The following DCC variants were observed in gnomAD, a reference collection of about 807,000 sequenced individuals.
DCC encodes netrin receptor DCC.
DCC carries 58 observed loss-of-function variants against 172.5 expected under a neutral mutation model. That is an observed-to-expected ratio of 0.34 (90% CI 0.27 to 0.42). DCC has a LOEUF of 0.42. DCC is among the 10% of genes least tolerant of loss of function. The probability of loss-of-function intolerance (pLI) is 1.00; values close to 1 mark genes in which losing one functional copy is unlikely to be tolerated. For missense variants in DCC, 1,740 were observed against 1,791.0 expected (o/e 0.97, Z 0.51); for synonymous variants, 709 against 644.5 (o/e 1.10, Z -1.52).
chr18:52,602,182 A>C (rs1216373824), intron 1 of DCC, among the ~76,000 whole-genome samples: 1 of 152,106 alleles, frequency 6.6e-6, no homozygotes, highest in Non-Finnish European at 1.5e-5. Flanking sequence ...GTTTACTTGA[A>C]TATATGATTA....
chr18:53,474,222 C>A (rs1910131), intron 25 of DCC, among the ~76,000 whole-genome samples: 74,775 of 151,830 alleles, frequency 0.49, 19,721 homozygotes, highest in Non-Finnish European at 0.61. Context: ...AATATCACAT[C>A]TTCATTACAA....
chr18:52,613,632 G>A (rs1211733703), intron 1 of DCC, among the ~76,000 whole-genome samples: 1 of 152,136 alleles, frequency 6.6e-6, no homozygotes, highest in Non-Finnish European at 1.5e-5. Context: ...TCTTCATAGA[G>A]TTGGTATCTA....
At position 53,435,180 on chromosome 18, in the gene DCC, C is replaced by G; in HGVS notation, c.3200C>G (p.Thr1067Ser). 6.2e-7 allele frequency: 1 copy of G among 1,609,796 alleles called. No homozygotes were observed. Among genetic ancestry groups the G allele is most frequent in the Non-Finnish European group, 8.5e-7 (1 of 1,176,310 alleles). ...GATGGAGGTTATTGGCCAGTTGATACTAATTTGATTGATAGAAGCACCCTA... is the reference window on the plus strand; with the variant it reads ...GATGGAGGTTATTGGCCAGTTGATAGTAATTTGATTGATAGAAGCACCCTA... ...HGDGGYWPVD[T>S]NLIDRSTLNE... The change falls in exon 22 of 29, where the codon ACT becomes AGT. Residue 1067 changes from threonine (T) to serine (S), a missense_variant. Thr to Ser is a moderately conservative substitution (Grantham distance 58). Coordinates refer to ENST00000442544, the MANE Select transcript of DCC (RefSeq NM_005215.4).
intron 7 of DCC, among the ~76,000 whole-genome samples, chr18:53,091,540 A>G (rs913877290): frequency 6.6e-6 from 1 of 151,726 alleles, no homozygotes; most frequent in African/African-American, 2.4e-5. Flanking sequence ...TTAGGGTGCC[A>G]GCATGATGGT....
At chr18:52,792,394 A>T (rs562716950) in intron 2 of DCC, among the ~76,000 whole-genome samples, 1 of 152,338 alleles carries the variant, frequency 6.6e-6, no homozygotes, top group Non-Finnish European at 1.5e-5. Context: ...ATGATAGGAA[A>T]GTTGGAGATC....
intron 27 of DCC, among the ~76,000 whole-genome samples, chr18:53,514,273 AC>A (rs1357151140): frequency 9.2e-5 from 14 of 152,170 alleles, no homozygotes; most frequent in Non-Finnish European, 1.5e-5. Flanking sequence ...GACACAACAT[AC>A]CAGAATCTCT....
Position 52,431,157 on chromosome 18 carries a change from AC to A in DCC, c.91+90282del, listed in dbSNP as rs572807588. Reference sequence around the variant, plus strand: ...TAGAAATGTAAATCCTTGGACACTCACCCAAATATACTGAATCAAGAATGCT... The same window carrying A: ...TAGAAATGTAAATCCTTGGACACTCACCAAATATACTGAATCAAGAATGCT... On this transcript the variant is annotated intron_variant, in intron 1 of 28. Transcript: ENST00000442544. Among the ~76,000 whole-genome samples the A allele has an allele frequency of 2.4e-4, 36 of 152,210 alleles. 3 individuals are homozygous for A. The South Asian group carries it at 7.5e-3, about 32-fold the overall frequency.
chr18:53,376,955 G>A (rs576351556), intron 15 of DCC, among the ~76,000 whole-genome samples: 1 of 152,124 alleles, frequency 6.6e-6, no homozygotes, highest in East Asian at 1.9e-4. Flanking sequence ...TATGGTCTTT[G>A]CCCAGACAAT....
intron 1 of DCC, among the ~76,000 whole-genome samples, chr18:52,502,502 G>A (rs2031062503): frequency 6.6e-6 from 1 of 152,044 alleles, no homozygotes; most frequent in Non-Finnish European, 1.5e-5. Flanking sequence ...TTGCCTGTTG[G>A]GTGGGACTCT....
intron 1 of DCC, among the ~76,000 whole-genome samples, chr18:52,600,357 A>T (rs1240394076): frequency 6.6e-6 from 1 of 152,132 alleles, no homozygotes; most frequent in Non-Finnish European, 1.5e-5. Flanking sequence ...TTCCTATTGC[A>T]TTGGTCATTT....
intron 22 of DCC, among the ~76,000 whole-genome samples, chr18:53,443,797 T>C (rs1912424615): frequency 6.6e-6 from 1 of 152,232 alleles, no homozygotes; most frequent in African/African-American, 2.4e-5. Flanking sequence ...AAGGAGTAGA[T>C]TCCAATCCTT....
At chr18:52,362,977 CA>C (rs1406511968) in intron 1 of DCC, among the ~76,000 whole-genome samples, 1 of 152,086 alleles carries the variant, frequency 6.6e-6, no homozygotes, top group Non-Finnish European at 1.5e-5. Context: ...CGGCTTACTG[CA>C]ACCTCTGCCT....
At chr18:52,500,566 G>A (rs1303633463) in intron 1 of DCC, among the ~76,000 whole-genome samples, 1 of 152,108 alleles carries the variant, frequency 6.6e-6, no homozygotes, top group Admixed American at 6.6e-5. Flanking sequence ...ATGTCTTTAT[G>A]CCCTCTAGAT....
intron 3 of DCC, among the ~76,000 whole-genome samples, chr18:52,915,799 A>G (rs118098882): frequency 0.022 from 3,349 of 152,222 alleles, 58 homozygotes; most frequent in Non-Finnish European, 0.036. Flanking sequence ...ATATTTATCA[A>G]TTTCTATTTG....
At chr18:52,629,989 G>T (rs1168802115) in intron 1 of DCC, among the ~76,000 whole-genome samples, 1 of 141,610 alleles carries the variant, frequency 7.1e-6, no homozygotes, top group Non-Finnish European at 1.5e-5. Context: ...AGCCAGACAT[G>T]GTGGCAGGCA....
At chr18:53,197,046 G>T (rs934997295) in intron 9 of DCC, among the ~76,000 whole-genome samples, 4 of 151,912 alleles carry the variant, frequency 2.6e-5, no homozygotes, top group Non-Finnish European at 5.9e-5. Flanking sequence ...CATTAAAGCT[G>T]TTAACTACAG....
chr18:52,557,959 C>T (rs974119807), intron 1 of DCC, among the ~76,000 whole-genome samples: 15 of 152,264 alleles, frequency 9.9e-5, no homozygotes, highest in African/African-American at 3.6e-4. Context: ...CAGCAGAATT[C>T]AATATCAAAT....
At chr18:52,354,257 A>G (rs1462969760) in intron 1 of DCC, among the ~76,000 whole-genome samples, 1 of 152,160 alleles carries the variant, frequency 6.6e-6, no homozygotes, top group African/African-American at 2.4e-5. Flanking sequence ...TTTGGTACCT[A>G]TGATGGGGAG....
chr18:52,692,929 A>G (rs962312667), intron 1 of DCC, among the ~76,000 whole-genome samples: 1 of 152,334 alleles, frequency 6.6e-6, no homozygotes, highest in Middle Eastern at 3.4e-3. Context: ...TACAGTCATT[A>G]GAAAGAAATG....
Sources: allele counts gnomAD v4.1 joint callset (sites outside exome capture counted in the v4.1 genomes callset), GRCh38; gene constraint gnomAD v4.1.1; transcripts MANE v1.5; gene names NCBI Gene and HGNC (gene_info 2026-07-23, HGNC 2026-07-21).